Variants in TUSC3 observed in about 807,000 individuals in gnomAD.
TUSC3 encodes the protein tumor suppressor candidate 3, also known as dolichyl-diphosphooligosaccharide--protein glycosyltransferase subunit TUSC3.
In TUSC3, 45 loss-of-function variants were observed where a neutral mutation model predicts 44.8. The ratio of observed to expected loss-of-function variants is 1.00; its 90% CI spans 0.79 to 1.29. The LOEUF (loss-of-function observed/expected upper bound fraction) is 1.29, where lower values mean the gene tolerates loss of function less well. Ranked by LOEUF, TUSC3 falls within the 50% of genes most tolerant of loss-of-function variation. The pLI is 0.00. For missense variants in TUSC3, 519 were observed against 437.9 expected (o/e 1.19, Z -1.65); for synonymous variants, 212 against 152.9 (o/e 1.39, Z -2.85).
At chr8:15,616,439 G>A (rs1220093474) in intron 1 of TUSC3, among the ~76,000 whole-genome samples, 2 of 152,110 alleles carry the variant, frequency 1.3e-5, no homozygotes, top group Non-Finnish European at 2.9e-5. Flanking sequence ...TTAGCCCGTC[G>A]TGGTGGCTCA....
At chr8:15,612,098 T>G (rs552646931) in intron 1 of TUSC3, among the ~76,000 whole-genome samples, 58 of 152,348 alleles carry the variant, frequency 3.8e-4, no homozygotes, top group African/African-American at 1.4e-3. Flanking sequence ...CTTCAACATG[T>G]ACGTCTTGTT....
At chr8:15,479,175 G>A (rs901409275) in intron 1 of TUSC3, among the ~76,000 whole-genome samples, 1 of 152,060 alleles carries the variant, frequency 6.6e-6, no homozygotes, top group South Asian at 2.1e-4. Context: ...TGTAGATTTT[G>A]GGTATTAGAC....
At chr8:15,791,895 A>G in the TUSC3 span, among the ~76,000 whole-genome samples, 2 of 152,188 alleles carry the variant, frequency 1.3e-5, no homozygotes, top group African/African-American at 4.8e-5. Flanking sequence ...CCAAGAGGCC[A>G]ACCTGCATCA....
chr8:15,714,752 G>A (rs999275496), intron 6 of TUSC3, among the ~76,000 whole-genome samples: 10 of 152,116 alleles, frequency 6.6e-5, no homozygotes, highest in Non-Finnish European at 1.5e-4. Context: ...TAATTGAGAA[G>A]ATGAATGTTC....
At chr8:15,592,592 T>G (rs751632474) in intron 1 of TUSC3, among the ~76,000 whole-genome samples, 3 of 152,188 alleles carry the variant, frequency 2.0e-5, no homozygotes, top group Non-Finnish European at 4.4e-5. Context: ...GCTCCCCCTT[T>G]GTCTTCTATC....
intron 6 of TUSC3, among the ~76,000 whole-genome samples, chr8:15,689,867 A>ATATAT (rs1808822901): frequency 7.0e-6 from 1 of 142,914 alleles, no homozygotes; most frequent in Non-Finnish European, 1.5e-5. Flanking sequence ...TGTGTGTATA[A>ATATAT]ATATATATAT....
chr8:15,599,473 T>C (rs977361097), intron 1 of TUSC3, among the ~76,000 whole-genome samples: 1 of 151,798 alleles, frequency 6.6e-6, no homozygotes, highest in African/African-American at 2.4e-5. Context: ...CTCTCATGGA[T>C]CCTGCCTTTG....
intron 2 of TUSC3, among the ~76,000 whole-genome samples, chr8:15,511,784 C>T (rs905236797): frequency 1.3e-5 from 2 of 151,934 alleles, no homozygotes; most frequent in African/African-American, 2.4e-5. Context: ...GAAGGAAGAA[C>T]TGATTGAACC....
chr8:15,848,857 G>T, the TUSC3 span, among the ~76,000 whole-genome samples: 1 of 152,274 alleles, frequency 6.6e-6, no homozygotes, highest in East Asian at 1.9e-4. Flanking sequence ...TGATTTCTCA[G>T]GTGCTTCCTC....
intron 9 of TUSC3, 111 bp from the exon 10 acceptor site, chr8:15,757,680 C>G: frequency 7.4e-7 from 1 of 1,357,450 alleles, no homozygotes; most frequent in Non-Finnish European, 1.1e-6. Context: ...CCTGTCTTAT[C>G]TAGATAAAGA....
chr8:15,623,162 G>A lies in TUSC3; in HGVS notation c.221G>A (p.Arg74Gln), dbSNP rs749336367. Residue 74 changes from arginine to glutamine, a missense_variant, in exon 2 of 11, where the codon CGA becomes CAA. By Grantham distance (43) the Arg-to-Gln change is conservative. Coordinates refer to ENST00000503731, the MANE Select transcript of TUSC3 (RefSeq NM_006765.4). The stretch of plus-strand genomic sequence containing the variant: ...TTCCGAATGAATGGTGATAAATTCC[G>A]AAAATTTATAAAGGCACCACCTCGA... ...SIFRMNGDKF[R>Q]KFIKAPPRNY... The A allele has an allele frequency of 3.7e-6, 6 of 1,613,714 alleles. No homozygotes were observed. The highest frequency in any genetic ancestry group is 4.2e-6 in the Non-Finnish European group (5 of 1,179,846).
intron 1 of TUSC3, among the ~76,000 whole-genome samples, chr8:15,586,185 C>G (rs1165553158): frequency 6.6e-6 from 1 of 152,032 alleles, no homozygotes; most frequent in Non-Finnish European, 1.5e-5. Flanking sequence ...TTTTAGTTGG[C>G]CAGAAACAAT....
intron 3 of TUSC3, among the ~76,000 whole-genome samples, chr8:15,658,589 A>G (rs1807273560): frequency 6.6e-6 from 1 of 151,732 alleles, no homozygotes; most frequent in African/African-American, 2.4e-5. Context: ...ACTTTTTTTT[A>G]TAATTCCTGG....
the TUSC3 span, among the ~76,000 whole-genome samples, chr8:15,804,342 A>G: frequency 2.0e-5 from 3 of 152,132 alleles, no homozygotes; most frequent in Admixed American, 6.5e-5. Flanking sequence ...ATTATGTCCT[A>G]CTTGTCAATT....
intron 6 of TUSC3, among the ~76,000 whole-genome samples, chr8:15,680,688 G>T (rs1192496586): frequency 6.6e-6 from 1 of 152,064 alleles, no homozygotes; most frequent in African/African-American, 2.4e-5. Context: ...AATGGTTCCA[G>T]CTTTTGCCTC....
chr8:15,449,423 A>C (rs1471952717), intron 1 of TUSC3, among the ~76,000 whole-genome samples: 1 of 152,110 alleles, frequency 6.6e-6, no homozygotes, highest in Non-Finnish European at 1.5e-5. Context: ...TCCTCCATAG[A>C]GTGGTCAGAA....
upstream of TUSC3, among the ~76,000 whole-genome samples, chr8:15,535,697 A>T (rs1345096800): frequency 6.6e-6 from 1 of 152,178 alleles, no homozygotes; most frequent in Non-Finnish European, 1.5e-5. Context: ...ACGGGGAAAG[A>T]CTAGAAATAA....
At chr8:15,455,272 A>C (rs1800239673) in intron 1 of TUSC3, among the ~76,000 whole-genome samples, 1 of 152,018 alleles carries the variant, frequency 6.6e-6, no homozygotes, top group Non-Finnish European at 1.5e-5. Context: ...GGAAGCTTCT[A>C]ATGTGGTTTT....
chr8:15,438,089 C>A (rs1349702687), intron 1 of TUSC3, among the ~76,000 whole-genome samples: 1 of 152,004 alleles, frequency 6.6e-6, no homozygotes, highest in Non-Finnish European at 1.5e-5. Context: ...GCTTTGTTGT[C>A]GATGTGTGTT....
Sources: allele counts gnomAD v4.1 joint callset (sites outside exome capture counted in the v4.1 genomes callset), GRCh38; gene constraint gnomAD v4.1.1; transcripts MANE v1.5; gene names NCBI Gene and HGNC (gene_info 2026-07-23, HGNC 2026-07-21).